MBNL2: variants seen among roughly 807,000 people sequenced by gnomAD.
The protein encoded by MBNL2 is muscleblind-like protein 2.
A neutral mutation model predicts 41.9 loss-of-function variants in MBNL2; 17 were observed. The ratio of observed to expected loss-of-function variants is 0.41; its 90% confidence interval spans 0.28 to 0.61. The LOEUF is 0.61. Ranked by LOEUF, MBNL2 falls within the 20% of genes least tolerant of loss-of-function variation. The pLI, the probability that MBNL2 is intolerant of heterozygous loss-of-function variation, is 0.35. For synonymous variants in MBNL2, 195 were observed against 182.9 expected (o/e 1.07, Z -0.53); for missense variants, 336 against 505.6 (o/e 0.66, Z 3.22).
chr13:97,375,976 T>G (rs888605198), intron 8 of MBNL2, among the ~76,000 whole-genome samples: 2 of 151,744 alleles, frequency 1.3e-5, no homozygotes, highest in Non-Finnish European at 2.9e-5. Context: ...GATCAGAAGG[T>G]CGGGTTATGG....
intron 2 of MBNL2, among the ~76,000 whole-genome samples, chr13:97,329,445 T>C (rs1276571427): frequency 2.6e-5 from 4 of 152,078 alleles, no homozygotes; most frequent in Non-Finnish European, 4.4e-5. Context: ...TTCATACCCC[T>C]TGGCTCGTCT....
rs961652672 is a variant in MBNL2, at chr13:97,393,119, G to T, written c.*1670G>T. The T allele has an allele frequency of 6.6e-6, 1 of 152,358 alleles. No homozygotes were observed. The highest frequency in any genetic ancestry group is 1.5e-5 in the Non-Finnish European group (1 of 67,886). 9.4% of individuals were successfully genotyped at this position (152,358 alleles called of 1,614,324 possible). A position where few individuals can be genotyped will look rare whatever the true frequency, so the allele number is the denominator to read the frequency against. On this transcript the variant is annotated 3_prime_UTR_variant, in exon 9 of 9. Coordinates refer to ENST00000679496, the MANE Select transcript of MBNL2 (RefSeq NM_001382683.1). Reference sequence around the variant, plus strand: ...ATTCTTACATAGTGCTTGTATCGTTGCATTTGTTTTAATTTGTGGAAAAGT... The same window carrying T: ...ATTCTTACATAGTGCTTGTATCGTTTCATTTGTTTTAATTTGTGGAAAAGT...
At position 97,223,004 on chromosome 13, in the gene MBNL2, C is replaced by A. The variant is rs146905593; in HGVS notation, c.-605+473C>A. ...GTGTCTATTTATTAAAAATTAGGGACCTACCTAGCTCTACAATGCTACAGC... is the reference window on the plus strand; with the variant it reads ...GTGTCTATTTATTAAAAATTAGGGAACTACCTAGCTCTACAATGCTACAGC... On this transcript the variant is annotated intron_variant, in intron 1 of 8. Transcript: ENST00000679496. 6.0e-4 allele frequency among the ~76,000 whole-genome samples: 92 copies of A among 152,170 alleles called. 1 individual carries two copies. Among genetic ancestry groups the A allele is most frequent in the East Asian group, 4.1e-3 (21 of 5,178 alleles).
chr13:97,288,672 TA>T (rs2055162311), intron 2 of MBNL2, among the ~76,000 whole-genome samples: 1 of 152,228 alleles, frequency 6.6e-6, no homozygotes, highest in Non-Finnish European at 1.5e-5. Context: ...CTGCTAATAC[TA>T]AATAGCACAT....
chr13:97,245,220 C>T (rs964313658), intron 1 of MBNL2, among the ~76,000 whole-genome samples: 1 of 152,162 alleles, frequency 6.6e-6, no homozygotes, highest in African/African-American at 2.4e-5. Flanking sequence ...GGTTTCAACT[C>T]ACAAAGGAAT....
chr13:97,387,570 G>C (rs934551762), intron 8 of MBNL2, among the ~76,000 whole-genome samples: 1 of 152,170 alleles, frequency 6.6e-6, no homozygotes, highest in Non-Finnish European at 1.5e-5. Flanking sequence ...TCTGAAGCAG[G>C]CTCCATGAGG....
the MBNL2 span, among the ~76,000 whole-genome samples, chr13:97,143,731 C>T: frequency 2.7e-3 from 413 of 152,288 alleles, 17 homozygotes; most frequent in East Asian, 0.071. Context: ...TTTATTTTTG[C>T]TTCATTTAAT....
intron 2 of MBNL2, among the ~76,000 whole-genome samples, chr13:97,329,747 ACATAC>A (rs2153056314): frequency 1.3e-5 from 1 of 74,104 alleles, no homozygotes; most frequent in Non-Finnish European, 2.7e-5. Context: ...CATACACCAT[ACATAC>A]TACACACACA....
At chr13:97,330,494 TAAAAC>T (rs975416787) in intron 2 of MBNL2, among the ~76,000 whole-genome samples, 3 of 152,202 alleles carry the variant, frequency 2.0e-5, no homozygotes, top group Non-Finnish European at 4.4e-5. Flanking sequence ...GAGGAAGAGT[TAAAAC>T]AAAACAAAGC....
chr13:97,183,566 A>G, the MBNL2 span, among the ~76,000 whole-genome samples: 6 of 152,204 alleles, frequency 3.9e-5, no homozygotes, highest in East Asian at 1.2e-3. Flanking sequence ...TACCATTTGC[A>G]TTTCTCCTAA....
At chr13:97,176,837 C>G in the MBNL2 span, among the ~76,000 whole-genome samples, 2 of 152,148 alleles carry the variant, frequency 1.3e-5, no homozygotes, top group African/African-American at 4.8e-5. Context: ...CATCGACCTA[C>G]TTTGCCACTA....
At chr13:97,322,872 A>G (rs1243086890) in intron 2 of MBNL2, among the ~76,000 whole-genome samples, 2 of 151,834 alleles carry the variant, frequency 1.3e-5, no homozygotes, top group Non-Finnish European at 2.9e-5. Flanking sequence ...ACCATAAGTA[A>G]CCTCCCAGAT....
intron 1 of MBNL2, among the ~76,000 whole-genome samples, chr13:97,270,631 T>C (rs1283174836): frequency 6.6e-6 from 1 of 152,196 alleles, no homozygotes; most frequent in Non-Finnish European, 1.5e-5. Context: ...TAGCCACAAT[T>C]CAGGTGCTTG....
intron 2 of MBNL2, among the ~76,000 whole-genome samples, chr13:97,280,925 A>G (rs934949631): frequency 1.3e-5 from 2 of 152,066 alleles, no homozygotes; most frequent in Non-Finnish European, 2.9e-5. Context: ...CTGGGATCCC[A>G]TTTCCTTCTC....
chr13:97,292,200 C>CTCA (rs2056252122), intron 2 of MBNL2, among the ~76,000 whole-genome samples: 4 of 69,504 alleles, frequency 5.8e-5, no homozygotes, highest in African/African-American at 1.8e-4. Context: ...GACTCCATCT[C>CTCA]AAAAAAAAAA....
At chr13:97,287,603 T>C (rs2054735165) in intron 2 of MBNL2, among the ~76,000 whole-genome samples, 2 of 152,276 alleles carry the variant, frequency 1.3e-5, no homozygotes, top group African/African-American at 2.4e-5. Context: ...CTAGAACTTA[T>C]TCCCCCGATC....
In MBNL2 at chr13:97,366,210, A is replaced by G. The variant is rs1262904974; in HGVS notation, c.1048+1039A>G. Among the ~76,000 whole-genome samples, 5 of 152,330 alleles carry G rather than the reference A, an allele frequency of 3.3e-5. No individual in the cohort carries two copies. In the East Asian group the frequency reaches 9.6e-4, roughly 29 times the overall value. On this transcript the variant is annotated intron_variant, in intron 8 of 8. Coordinates refer to ENST00000679496, the MANE Select transcript of MBNL2 (RefSeq NM_001382683.1). This position sits in a 1 kb window ranked among gnomAD's most constrained non-coding sequence, Gnocchi z 4.7. ...GTTTATAAATACATCAACCAAAGTA[A>G]TCTGCTTTGGCCTTTCTGGGAATCA...
chr13:97,236,654 C>G (rs1457778908), intron 1 of MBNL2, among the ~76,000 whole-genome samples: 1 of 151,800 alleles, frequency 6.6e-6, no homozygotes, highest in Non-Finnish European at 1.5e-5. Context: ...TTATTCATTT[C>G]TCTCTTCTGG....
At chr13:97,230,419 G>A (rs988206844) in intron 1 of MBNL2, among the ~76,000 whole-genome samples, 2 of 152,226 alleles carry the variant, frequency 1.3e-5, no homozygotes, top group Non-Finnish European at 2.9e-5. Flanking sequence ...AAACATCTAA[G>A]TGGAGATGTC....
Sources: allele counts gnomAD v4.1 joint callset (sites outside exome capture counted in the v4.1 genomes callset), GRCh38; gene constraint gnomAD v4.1.1; non-coding constraint Gnocchi (gnomAD v3.1); transcripts MANE v1.5; gene names NCBI Gene and HGNC (gene_info 2026-07-23, HGNC 2026-07-21).